The following HIBADH variants were observed in gnomAD, a reference collection of about 807,000 sequenced individuals.
HIBADH encodes the protein 3-hydroxyisobutyrate dehydrogenase, mitochondrial.
HIBADH carries 25 observed loss-of-function variants against 36.1 expected under a neutral mutation model. The ratio of observed to expected loss-of-function variants is 0.69; its 90% CI spans 0.50 to 0.97. The LOEUF is 0.97. HIBADH is among the 50% of genes least tolerant of loss of function. The probability of loss-of-function intolerance (pLI) is 0.00; values close to 1 mark genes in which losing one functional copy is unlikely to be tolerated. For missense variants in HIBADH, 421 were observed against 418.0 expected (o/e 1.01, Z -0.06); for synonymous variants, 160 against 149.5 (o/e 1.07, Z -0.51).
intron 4 of HIBADH, among the ~76,000 whole-genome samples, chr7:27,609,640 T>G (rs1785290702): frequency 6.6e-6 from 1 of 152,156 alleles, no homozygotes; most frequent in African/African-American, 2.4e-5. Flanking sequence ...ACTTTAATTA[T>G]AAGAGTTACT....
intron 4 of HIBADH, among the ~76,000 whole-genome samples, chr7:27,616,106 C>T (rs921423450): frequency 3.9e-5 from 6 of 152,216 alleles, no homozygotes; most frequent in Admixed American, 6.5e-5. Flanking sequence ...CTTCCTCTCA[C>T]GGCAGAAAGT....
At chr7:27,648,392 T>C (rs1039732811) in intron 2 of HIBADH, among the ~76,000 whole-genome samples, 1 of 152,230 alleles carries the variant, frequency 6.6e-6, no homozygotes, top group Non-Finnish European at 1.5e-5. Context: ...AATTTCCATA[T>C]GGCACAAAAA....
At chr7:27,642,605 A>G (rs188168569) in intron 2 of HIBADH, among the ~76,000 whole-genome samples, 327 of 149,428 alleles carry the variant, frequency 2.2e-3, no homozygotes, top group Non-Finnish European at 3.3e-3. Context: ...ATCTGGATAA[A>G]TCCTACTTAT....
intron 4 of HIBADH, among the ~76,000 whole-genome samples, chr7:27,619,403 A>G (rs1785497684): frequency 6.6e-6 from 1 of 152,220 alleles, no homozygotes; most frequent in African/African-American, 2.4e-5. Context: ...GGAAACATGA[A>G]AAAGCAAGGA....
chr7:27,541,778 A>C, intron 5 of HIBADH: 1 of 416,272 alleles, frequency 2.4e-6, no homozygotes, highest in Non-Finnish European at 4.7e-6. Flanking sequence ...AAAAAATACA[A>C]GAGAATTCCA....
chr7:27,584,572 A>G (rs1000481714), intron 4 of HIBADH, among the ~76,000 whole-genome samples: 3 of 152,028 alleles, frequency 2.0e-5, no homozygotes, highest in Admixed American at 2.0e-4. Flanking sequence ...TATTCTTTGA[A>G]ATAAAAATGG....
chr7:27,578,356 C>A (rs181417002), intron 4 of HIBADH, among the ~76,000 whole-genome samples: 4 of 150,832 alleles, frequency 2.7e-5, no homozygotes, highest in African/African-American at 9.8e-5. Flanking sequence ...CGCTTTGTTG[C>A]GCAAGCTGGA....
At chr7:27,527,787 G>A (rs1783926465) in intron 7 of HIBADH, among the ~76,000 whole-genome samples, 1 of 134,622 alleles carries the variant, frequency 7.4e-6, no homozygotes, top group African/African-American at 2.9e-5. Context: ...TTTCTCTCTT[G>A]TTGCCCAGGC....
intron 3 of HIBADH, 56 bp from the exon 4 acceptor site, chr7:27,629,548 C>G: frequency 8.0e-7 from 1 of 1,243,456 alleles, no homozygotes; most frequent in Non-Finnish European, 1.1e-6. Context: ...AAATTTCATG[C>G]AACTACCTAC....
chr7:27,580,621 A>G (rs759273309), intron 4 of HIBADH, among the ~76,000 whole-genome samples: 28 of 152,208 alleles, frequency 1.8e-4, no homozygotes, highest in Non-Finnish European at 3.4e-4. Context: ...TTTTTACCAG[A>G]AAGATTCATT....
At chr7:27,584,999 A>G (rs753107371) in intron 4 of HIBADH, among the ~76,000 whole-genome samples, 1 of 152,054 alleles carries the variant, frequency 6.6e-6, no homozygotes, top group Non-Finnish European at 1.5e-5. Context: ...TTATAGTTAA[A>G]TCTTTACACA....
intron 4 of HIBADH, among the ~76,000 whole-genome samples, chr7:27,576,250 CTG>C (rs1297835858): frequency 1.3e-5 from 2 of 152,130 alleles, no homozygotes; most frequent in African/African-American, 2.4e-5. Context: ...TTTCCAAAAA[CTG>C]TGTGGATGTG....
intron 4 of HIBADH, among the ~76,000 whole-genome samples, chr7:27,612,981 T>A (rs1583597146): frequency 7.2e-6 from 1 of 138,066 alleles, no homozygotes; most frequent in Non-Finnish European, 1.5e-5. Context: ...ATATTATATA[T>A]ATATTTTATA....
At chr7:27,532,480 C>T (rs1004181122) in intron 6 of HIBADH, among the ~76,000 whole-genome samples, 1 of 152,196 alleles carries the variant, frequency 6.6e-6, no homozygotes, top group Non-Finnish European at 1.5e-5. Flanking sequence ...ATCTGAATAT[C>T]ATGGCCAATA....
At chr7:27,572,036 T>C (rs1295638861) in intron 4 of HIBADH, among the ~76,000 whole-genome samples, 1 of 152,178 alleles carries the variant, frequency 6.6e-6, no homozygotes, top group African/African-American at 2.4e-5. Context: ...TCTTTGGGCA[T>C]TTGGCTTTGT....
In HIBADH at chr7:27,645,368, A is replaced by ATTTTTTTTTTT. The variant is rs762685685; in HGVS notation, c.252+4094_252+4104dup. Among the ~76,000 whole-genome samples, 24 of 59,636 alleles carry ATTTTTTTTTTT rather than the reference A, an allele frequency of 4.0e-4. 3 individuals are homozygous for ATTTTTTTTTTT. Among genetic ancestry groups the ATTTTTTTTTTT allele is most frequent in the African/African-American group, 4.4e-4 (7 of 15,864 alleles). The allele number at this position is 59,636 out of a possible 152,430, so 39.1% of individuals were successfully genotyped here. On this transcript the variant is annotated intron_variant, in intron 2 of 7. Transcript: ENST00000265395. ...CTAGTGGGTGTGTCTCATGGTTTTGATTTTTTTTTTTTTTTTTTTTTTTTT... is the reference window on the plus strand; with the variant it reads ...CTAGTGGGTGTGTCTCATGGTTTTGATTTTTTTTTTTTTTTTTTTTTTTTTTTTTTTTTTTT...
chr7:27,643,217 T>A (rs13229467), intron 2 of HIBADH, among the ~76,000 whole-genome samples: 11 of 152,244 alleles, frequency 7.2e-5, no homozygotes, highest in Admixed American at 5.9e-4. Flanking sequence ...TTAATGAAGG[T>A]CCTATCCCAT....
chr7:27,631,926 G>A (rs150609207), intron 3 of HIBADH, among the ~76,000 whole-genome samples: 44 of 152,050 alleles, frequency 2.9e-4, no homozygotes, highest in Non-Finnish European at 4.4e-4. Flanking sequence ...ACTTTTTTTC[G>A]TATAATAAAA....
chr7:27,660,686 G>A (rs995553690), intron 1 of HIBADH, among the ~76,000 whole-genome samples: 9 of 151,498 alleles, frequency 5.9e-5, no homozygotes, highest in Non-Finnish European at 8.8e-5. Flanking sequence ...TTTTTTTCAA[G>A]AGAAAAAAAA....
Sources: gnomAD v4.1 joint callset for allele counts (sites outside exome capture counted in the v4.1 genomes callset) on GRCh38, gnomAD v4.1.1 for gene constraint, MANE v1.5 for transcripts, NCBI Gene and HGNC (gene_info 2026-07-23, HGNC 2026-07-21) for gene names.